The following FAM81A variants were observed in gnomAD, a reference collection of about 807,000 sequenced individuals.
FAM81A encodes the protein protein FAM81A.
In FAM81A, 19 loss-of-function variants were observed where a neutral mutation model predicts 46.7. The ratio of observed to expected loss-of-function variants is 0.41; its 90% CI spans 0.28 to 0.60. The LOEUF (loss-of-function observed/expected upper bound fraction) is 0.60. Among genes scored for constraint, FAM81A ranks in the 20% least tolerant of loss-of-function variants. The probability of loss-of-function intolerance (pLI) is 0.34; values close to 1 mark genes in which losing one functional copy is unlikely to be tolerated. For missense variants in FAM81A, 377 were observed against 453.5 expected (o/e 0.83, Z 1.53); for synonymous variants, 183 against 152.9 (o/e 1.20, Z -1.45).
chr15:59,507,286 G>T lies in FAM81A; in HGVS notation c.487G>T (p.Glu163Ter). The T allele has an allele frequency of 1.2e-6, 2 of 1,612,270 alleles. No homozygotes were observed. Among genetic ancestry groups the T allele is most frequent in the East Asian group, 2.2e-5 (1 of 44,858 alleles). ...TYEGLQHLNK[E>*]QQAAKLILET... Reference sequence around the variant, plus strand: ...TGAGGGGCTCCAGCACTTGAACAAAGAACAGCAGGCTGCCAAACTTATCTT... The same window carrying T: ...TGAGGGGCTCCAGCACTTGAACAAATAACAGCAGGCTGCCAAACTTATCTT... Residue 163 changes from glutamate to a stop codon, truncating the protein, a stop_gained, in exon 5 of 9, where the codon GAA becomes TAA. Coordinates refer to ENST00000288228, the MANE Select transcript of FAM81A (RefSeq NM_152450.3). LOFTEE classifies it high-confidence loss of function.
intron 5 of FAM81A, among the ~76,000 whole-genome samples, chr15:59,507,580 C>A (rs1394474949): frequency 1.3e-5 from 2 of 152,200 alleles, no homozygotes; most frequent in Non-Finnish European, 2.9e-5. Context: ...CTCCCCACCA[C>A]CACATTCCTA....
intron 1 of FAM81A, among the ~76,000 whole-genome samples, chr15:59,442,324 A>G (rs991327011): frequency 2.0e-5 from 3 of 152,148 alleles, no homozygotes; most frequent in Non-Finnish European, 4.4e-5. Context: ...GAAAAGTTGC[A>G]ATAACTGGCC....
chr15:59,509,837 G>A (rs967802223), intron 6 of FAM81A, among the ~76,000 whole-genome samples: 2 of 152,160 alleles, frequency 1.3e-5, no homozygotes, highest in Non-Finnish European at 2.9e-5. Flanking sequence ...ACTGGAACAG[G>A]GAGTGAGGGT....
chr15:59,398,761 A>G (rs1274430226), intron 1 of FAM81A, among the ~76,000 whole-genome samples: 10 of 99,542 alleles, frequency 1.0e-4, no homozygotes, highest in African/African-American at 3.6e-4. Flanking sequence ...CTGTCTCAGA[A>G]AAAAAAAAAA....
chr15:59,431,419 G>C (rs1160922315), intron 2 of FAM81A, among the ~76,000 whole-genome samples: 2 of 152,006 alleles, frequency 1.3e-5, no homozygotes, highest in Non-Finnish European at 2.9e-5. Flanking sequence ...ATTTTTAGTA[G>C]AGTTGGGGTT....
chr15:59,428,492 C>G (rs1339547920), intron 2 of FAM81A, among the ~76,000 whole-genome samples: 1 of 150,250 alleles, frequency 6.7e-6, no homozygotes, highest in Non-Finnish European at 1.5e-5. Context: ...CCAGGCTGGT[C>G]TCAAATTCCT....
chr15:59,491,724 C>T (rs1348993400), intron 3 of FAM81A, among the ~76,000 whole-genome samples: 1 of 152,128 alleles, frequency 6.6e-6, no homozygotes, highest in African/African-American at 2.4e-5. Flanking sequence ...GTGTGCGTGT[C>T]ACCTGATGTC....
At chr15:59,486,175 G>GAAGA (rs138638619) in intron 3 of FAM81A, among the ~76,000 whole-genome samples, 19,624 of 151,704 alleles carry the variant, frequency 0.13, 2,103 homozygotes, top group African/African-American at 0.3. Context: ...GCAACACTCT[G>GAAGA]AAGAAAGAAA....
intron 4 of FAM81A, among the ~76,000 whole-genome samples, chr15:59,494,308 A>G (rs1303378559): frequency 1.3e-5 from 2 of 152,098 alleles, no homozygotes; most frequent in African/African-American, 4.8e-5. Flanking sequence ...CTTTAGGAGG[A>G]CTCTGAGGAT....
chr15:59,418,611 T>C (rs2081157295), intron 2 of FAM81A, among the ~76,000 whole-genome samples: 1 of 152,198 alleles, frequency 6.6e-6, no homozygotes, highest in Non-Finnish European at 1.5e-5. Context: ...TCCCAATTTG[T>C]TGTTCATGTT....
At position 59,413,635 on chromosome 15, in the gene FAM81A, T is replaced by C. The variant is rs576774038; in HGVS notation, c.-78+11277T>C. ...TTATTGTAGCATGCAAGAGCTCTTG[T>C]TTTGGTCAGGTATGGTGGCTCCTGC... On this transcript the variant is annotated intron_variant, in intron 2 of 4. Coordinates refer to the FAM81A transcript ENST00000558348. Among the ~76,000 whole-genome samples, 83 of 152,188 alleles carry C rather than the reference T, an allele frequency of 5.5e-4. 1 individual carries two copies. The highest frequency in any genetic ancestry group is 1.9e-3 in the African/African-American group (79 of 41,534).
Position 59,412,717 on chromosome 15 carries a change from A to AG in FAM81A, c.-78+10360dup, listed in dbSNP as rs1169369669. 1.1e-3 allele frequency among the ~76,000 whole-genome samples: 7 copies of AG among 6,374 alleles called. No individual in the cohort carries two copies. The East Asian group carries it at 0.059, about 54-fold the overall frequency. 4.2% of individuals were successfully genotyped at this position (6,374 alleles called of 152,430 possible). A position where few individuals can be genotyped will look rare whatever the true frequency, so the allele number is the denominator to read the frequency against. ...ACTCCAGCCTGGGTGACCCTGTCAC[A>AG]GAAAAAAAAAAAGGTGTTACGGTGT... On this transcript the variant is annotated intron_variant, in intron 2 of 4. Coordinates refer to the FAM81A transcript ENST00000558348.
At chr15:59,444,892 A>G (rs1279938522) in intron 1 of FAM81A, among the ~76,000 whole-genome samples, 1 of 152,198 alleles carries the variant, frequency 6.6e-6, no homozygotes, top group Non-Finnish European at 1.5e-5. Context: ...GACTCCTTCC[A>G]TAGCTCAGTG....
chr15:59,501,405 A>G (rs1208855234), intron 4 of FAM81A, among the ~76,000 whole-genome samples: 1 of 152,186 alleles, frequency 6.6e-6, no homozygotes, highest in African/African-American at 2.4e-5. Context: ...TGGGACATAA[A>G]TTGTCGTATA....
At chr15:59,419,780 A>G (rs1026927307) in intron 2 of FAM81A, among the ~76,000 whole-genome samples, 2 of 152,150 alleles carry the variant, frequency 1.3e-5, no homozygotes, top group Non-Finnish European at 1.5e-5. Context: ...AGGCTGAGGC[A>G]GGAGAATTGC....
intron 2 of FAM81A, among the ~76,000 whole-genome samples, chr15:59,414,359 C>G (rs769054089): frequency 5.9e-5 from 9 of 152,148 alleles, no homozygotes; most frequent in Non-Finnish European, 1.0e-4. Context: ...GAACTGACAA[C>G]AGGCAGATTA....
rs776760432 is a variant in FAM81A, at chr15:59,507,199, C to T, written c.414-14C>T. The T allele has an allele frequency of 6.2e-7, 1 of 1,605,598 alleles. No individual in the cohort carries two copies. The highest frequency in any genetic ancestry group is 1.3e-5 in the African/African-American group (1 of 74,802). ...AACTTTAATAAGAATCAGCTTTGTT[C>T]TTTGTCTGGACAGATGTGATGCCAG... On this transcript the variant is annotated splice_polypyrimidine_tract_variant and intron_variant, in intron 4 of 8. Coordinates refer to ENST00000288228, the MANE Select transcript of FAM81A (RefSeq NM_152450.3).
At chr15:59,497,365 G>A (rs750033462) in intron 4 of FAM81A, among the ~76,000 whole-genome samples, 1 of 150,508 alleles carries the variant, frequency 6.6e-6, no homozygotes, top group Non-Finnish European at 1.5e-5. Flanking sequence ...ATAATCGCTT[G>A]AACCTGAGAG....
At chr15:59,443,922 C>G (rs2081327604) in intron 1 of FAM81A, 1 of 152,522 alleles carries the variant, frequency 6.6e-6, no homozygotes, top group African/African-American at 2.4e-5. Context: ...ATCAGCATTT[C>G]CTCTGCTTTG....
Sources: allele counts gnomAD v4.1 joint callset (sites outside exome capture counted in the v4.1 genomes callset), GRCh38; gene constraint gnomAD v4.1.1; transcripts MANE v1.5; gene names NCBI Gene and HGNC (gene_info 2026-07-23, HGNC 2026-07-21).